ABLIM2: variants seen among roughly 807,000 people sequenced by gnomAD.
ABLIM2 encodes actin-binding LIM protein 2.
ABLIM2 carries 53 observed loss-of-function variants against 97.7 expected under a neutral mutation model. The ratio of observed to expected loss-of-function variants is 0.54; its 90% CI spans 0.44 to 0.68. The LOEUF (loss-of-function observed/expected upper bound fraction) is 0.68, where lower values mean the gene tolerates loss of function less well. Among genes scored for constraint, ABLIM2 ranks in the 30% least tolerant of loss-of-function variants. The pLI, the probability that ABLIM2 is intolerant of heterozygous loss-of-function variation, is 0.00. For synonymous variants in ABLIM2, 361 were observed against 345.8 expected, an observed-to-expected ratio of 1.04 and a Z score of -0.49; for missense variants, 835 against 867.2, an observed-to-expected ratio of 0.96 and a Z score of 0.47.
Position 8,015,067 on chromosome 4 carries a change from C to T in ABLIM2, c.1423+4551G>A, listed in dbSNP as rs983009485. On this transcript the variant is annotated intron_variant, in intron 14 of 20. Coordinates refer to ENST00000447017, the MANE Select transcript of ABLIM2 (RefSeq NM_001130083.2). The surrounding 1 kb of genome is among the most constrained non-coding windows in gnomAD (Gnocchi z 4.6). ...TCCCGAGTAGCTGGGATTACAGGCG[C>T]CGGCCACCACACTTGGCTAATTTTT... is the stretch of plus-strand genomic sequence containing the variant. Among the ~76,000 whole-genome samples the T allele has an allele frequency of 1.4e-4, 22 of 152,160 alleles. No homozygotes were observed. In the East Asian group the frequency reaches 4.3e-3, roughly 29 times the overall value.
intron 1 of ABLIM2, 150 bp downstream of exon 1, chr4:8,158,530 C>T (rs918408594): frequency 1.0e-6 from 1 of 961,436 alleles, no homozygotes; most frequent in Non-Finnish European, 1.5e-6. Context: ...TCTGGCCCCT[C>T]GGGGCTGCAA....
At chr4:8,126,219 GA>G (rs1197148331) in intron 1 of ABLIM2, among the ~76,000 whole-genome samples, 4 of 152,154 alleles carry the variant, frequency 2.6e-5, no homozygotes, top group African/African-American at 7.2e-5. Context: ...CCACAGGCCA[GA>G]AGGAGGGCAC....
intron 12 of ABLIM2, among the ~76,000 whole-genome samples, chr4:8,027,058 T>C (rs1777882875): frequency 6.6e-6 from 1 of 152,178 alleles, no homozygotes; most frequent in Non-Finnish European, 1.5e-5. Flanking sequence ...CTTATAAAGA[T>C]GTCAGTACTA....
chr4:8,018,665 C>T (rs1465905919), intron 14 of ABLIM2, among the ~76,000 whole-genome samples: 1 of 152,218 alleles, frequency 6.6e-6, no homozygotes, highest in African/African-American at 2.4e-5. Context: ...CAGCAAGTCA[C>T]AGGAAACACA....
intron 17 of ABLIM2, among the ~76,000 whole-genome samples, chr4:7,987,174 C>T (rs145464526): frequency 1.4e-4 from 21 of 152,052 alleles, no homozygotes; most frequent in Middle Eastern, 3.4e-3. Flanking sequence ...GATGGAGTCT[C>T]CCTTGGTTGC....
At chr4:8,153,119 C>T (rs1240304620) in intron 1 of ABLIM2, among the ~76,000 whole-genome samples, 58 of 152,140 alleles carry the variant, frequency 3.8e-4, no homozygotes, top group Admixed American at 3.8e-3. Flanking sequence ...CTTAAAGGGC[C>T]AGCGACAAGA....
intron 20 of ABLIM2, among the ~76,000 whole-genome samples, chr4:7,982,743 A>T (rs1404182016): frequency 2.0e-5 from 3 of 151,876 alleles, no homozygotes; most frequent in African/African-American, 7.3e-5. Flanking sequence ...TCTCTCTGTC[A>T]CCCAGGCTGG....
intron 1 of ABLIM2, among the ~76,000 whole-genome samples, chr4:8,144,212 G>A (rs1851445216): frequency 6.6e-6 from 1 of 152,224 alleles, no homozygotes; most frequent in South Asian, 2.1e-4. Context: ...AGCCCCTGGT[G>A]CTCGGCCAGA....
chr4:8,061,059 A>G lies in ABLIM2; in HGVS notation c.676-5T>C. On this transcript the variant is annotated splice_polypyrimidine_tract_variant and splice_region_variant and intron_variant, in intron 6 of 20. Transcript: ENST00000447017. This position sits in a 1 kb window ranked among gnomAD's most constrained non-coding sequence, Gnocchi z 4.5. Reference sequence around the variant, plus strand: ...GTGGTAGTGCTTCTCTCCGGCCTGTAAGAAAAGCACAAAGCAGAATGTTTC... The same window carrying G: ...GTGGTAGTGCTTCTCTCCGGCCTGTGAGAAAAGCACAAAGCAGAATGTTTC... The G allele has an allele frequency of 6.3e-7, 1 of 1,579,412 alleles. No homozygotes were observed. The highest frequency in any genetic ancestry group is 8.6e-7 in the Non-Finnish European group (1 of 1,162,152).
intron 6 of ABLIM2, among the ~76,000 whole-genome samples, chr4:8,063,172 T>G (rs11736272): frequency 0.24 from 36,922 of 152,090 alleles, 4,567 homozygotes; most frequent in South Asian, 0.37. Flanking sequence ...TTCAAGTGAT[T>G]CTCCTGCCTC....
At chr4:7,981,709 C>T (rs1478322403) in intron 20 of ABLIM2, among the ~76,000 whole-genome samples, 1 of 152,234 alleles carries the variant, frequency 6.6e-6, no homozygotes, top group African/African-American at 2.4e-5. Flanking sequence ...GGTCCCCTCC[C>T]TGTACCGAGG....
At chr4:7,979,464 A>G (rs929741731) in intron 20 of ABLIM2, among the ~76,000 whole-genome samples, 2 of 152,204 alleles carry the variant, frequency 1.3e-5, no homozygotes, top group African/African-American at 4.8e-5. Context: ...TCAAAATCTA[A>G]GCTGTTGGAA....
At chr4:8,117,605 T>C (rs1843366800) in intron 1 of ABLIM2, among the ~76,000 whole-genome samples, 2 of 151,304 alleles carry the variant, frequency 1.3e-5, no homozygotes, top group African/African-American at 4.8e-5. Context: ...CACTGCAGCC[T>C]TCCTTCCTCT....
At chr4:7,984,976 C>T in intron 17 of ABLIM2, 83 bp from the exon 18 acceptor site, 1 of 1,467,538 alleles carries the variant, frequency 6.8e-7, no homozygotes, top group Non-Finnish European at 9.3e-7. Context: ...GATGTGGCCC[C>T]TTGGAGGCCG....
chr4:8,091,372 CATATAATTATATTAT>C (rs1480168656), intron 3 of ABLIM2, among the ~76,000 whole-genome samples: 5 of 37,324 alleles, frequency 1.3e-4, no homozygotes, highest in East Asian at 7.7e-4. Flanking sequence ...TATTATATTA[CATATAATTATATTAT>C]ATATAATTAT....
intron 8 of ABLIM2, among the ~76,000 whole-genome samples, chr4:8,053,810 T>C (rs1797419457): frequency 6.6e-6 from 1 of 152,050 alleles, no homozygotes; most frequent in Admixed American, 6.5e-5. Flanking sequence ...GTTTGGCCCC[T>C]TTTTCCTCTT....
At position 7,999,321 on chromosome 4, in the gene ABLIM2, A is replaced by G. The variant is rs1755510151; in HGVS notation, c.1619-6394T>C. Among the ~76,000 whole-genome samples, 1 of 152,124 alleles carries G rather than the reference A, an allele frequency of 6.6e-6. No individual in the cohort carries two copies. Among genetic ancestry groups the G allele is most frequent in the African/African-American group, 2.4e-5 (1 of 41,418 alleles). On this transcript the variant is annotated intron_variant, in intron 16 of 20. Transcript: ENST00000447017. This position sits in a 1 kb window ranked among gnomAD's most constrained non-coding sequence, Gnocchi z 4.4. Reference sequence around the variant, plus strand: ...GATCTGCCTGCCTCGGCCTCCAAAAATGCTGAGATTACAGGCGTGAGCCAC... The same window carrying G: ...GATCTGCCTGCCTCGGCCTCCAAAAGTGCTGAGATTACAGGCGTGAGCCAC...
intron 20 of ABLIM2, among the ~76,000 whole-genome samples, chr4:7,968,029 C>T (rs532566587): frequency 1.3e-5 from 2 of 152,244 alleles, no homozygotes; most frequent in South Asian, 2.1e-4. Context: ...TGAGAAACCC[C>T]GCATCCCTCA....
rs942616231 is a variant in ABLIM2 at position 8,044,765 on chromosome 4, C to T, written c.900+399G>A. 3.9e-5 allele frequency among the ~76,000 whole-genome samples: 6 copies of T among 152,090 alleles called. No individual in the cohort carries two copies. Among genetic ancestry groups the T allele is most frequent in the Non-Finnish European group, 7.4e-5 (5 of 68,004 alleles). On this transcript the variant is annotated intron_variant, in intron 9 of 20. Transcript: ENST00000447017. The surrounding 1 kb of genome is among the most constrained non-coding windows in gnomAD (Gnocchi z 4.4). ...TCTTTTAGGGAACACGCTGGGAGAG[C>T]GTGCGTGTTGATGTACACAGATCCG... is the stretch of plus-strand genomic sequence containing the variant.
Sources: allele counts gnomAD v4.1 joint callset (sites outside exome capture counted in the v4.1 genomes callset), GRCh38; gene constraint gnomAD v4.1.1; non-coding constraint Gnocchi (gnomAD v3.1); transcripts MANE v1.5; gene names NCBI Gene and HGNC (gene_info 2026-07-23, HGNC 2026-07-21).